The following FGD4 variants were observed in gnomAD, a reference collection of about 807,000 sequenced individuals.
FGD4 encodes the protein FYVE, RhoGEF and PH domain-containing protein 4.
Under a neutral mutation model 102.0 loss-of-function variants are expected in FGD4, and 42 were observed. The ratio of observed to expected loss-of-function variants is 0.41; its 90% confidence interval spans 0.32 to 0.53. The LOEUF (loss-of-function observed/expected upper bound fraction) is 0.53. Ranked by LOEUF, FGD4 falls within the 20% of genes least tolerant of loss-of-function variation. FGD4 has a pLI of 0.21. For synonymous variants in FGD4, 380 were observed against 375.7 expected, an observed-to-expected ratio of 1.01 and a Z score of -0.13; for missense variants, 902 against 1,078.2, an observed-to-expected ratio of 0.84 and a Z score of 2.29.
chr12:32,413,398 C>G (rs1180100931), intron 1 of FGD4, among the ~76,000 whole-genome samples: 1 of 152,132 alleles, frequency 6.6e-6, no homozygotes, highest in Non-Finnish European at 1.5e-5. Context: ...ATTATGCCGT[C>G]ATATTAATGT....
intron 1 of FGD4, among the ~76,000 whole-genome samples, chr12:32,440,282 C>T (rs1942387552): frequency 6.6e-6 from 1 of 152,170 alleles, no homozygotes; most frequent in South Asian, 2.1e-4. Context: ...TGTTTGTGCC[C>T]ATCCTTCTTG....
At chr12:32,547,484 A>G (rs1199719403) in intron 1 of FGD4, among the ~76,000 whole-genome samples, 4 of 152,170 alleles carry the variant, frequency 2.6e-5, no homozygotes, top group Non-Finnish European at 2.9e-5. Context: ...ACCACCTCTT[A>G]ATCATCTGTA....
chr12:32,581,668 C>T (rs1053948952), intron 3 of FGD4, among the ~76,000 whole-genome samples: 1 of 151,692 alleles, frequency 6.6e-6, no homozygotes, highest in Non-Finnish European at 1.5e-5. Flanking sequence ...AAAAGTTAAG[C>T]GTTGAAAAAT....
intron 1 of FGD4, among the ~76,000 whole-genome samples, chr12:32,539,005 G>C (rs1010128013): frequency 6.6e-6 from 1 of 152,130 alleles, no homozygotes; most frequent in Non-Finnish European, 1.5e-5. Context: ...AGTGAGCTGA[G>C]ATCGTGCTAT....
At position 32,586,208 on chromosome 12, in the gene FGD4, CTT is replaced by C. The variant is rs200097441; in HGVS notation, c.1011+3744_1011+3745del. 5.8e-4 allele frequency among the ~76,000 whole-genome samples: 89 copies of C among 152,160 alleles called. No individual in the cohort carries two copies. In the East Asian group the frequency reaches 0.016, roughly 27 times the overall value. ...ATTTTTTTCCTGAAAACATTAGAGA[CTT>C]TTAAAAGTTTGGAAGTTTAAAAAGT... is the stretch of plus-strand genomic sequence containing the variant. On this transcript the variant is annotated intron_variant, in intron 4 of 16. Coordinates refer to ENST00000534526, the MANE Select transcript of FGD4 (RefSeq NM_001370298.3).
chr12:32,460,470 A>G (rs1230040802), intron 1 of FGD4, among the ~76,000 whole-genome samples: 4 of 151,084 alleles, frequency 2.6e-5, no homozygotes, highest in Non-Finnish European at 4.4e-5. Context: ...GTACCACTGC[A>G]CTCCAGCCTG....
chr12:32,403,629 AC>A (rs1318599680), intron 1 of FGD4, among the ~76,000 whole-genome samples: 3 of 147,106 alleles, frequency 2.0e-5, no homozygotes, highest in African/African-American at 7.6e-5. Context: ...ACTGAGTCTT[AC>A]CCTGTCGCCA....
rs200144770 is a variant in FGD4, at chr12:32,640,446, T to C, written c.2625T>C (p.Ala875=). Residue 875 remains alanine (A), a synonymous_variant, in exon 17 of 17, where the codon GCT becomes GCC. Coordinates refer to ENST00000534526, the MANE Select transcript of FGD4 (RefSeq NM_001370298.3). Reference sequence around the variant, plus strand: ...AGTGGCTGAAAGTCATCCTTTTAGCTGTCACAGGTGAGACACCAGGTGGTC... The same window carrying C: ...AGTGGCTGAAAGTCATCCTTTTAGCCGTCACAGGTGAGACACCAGGTGGTC... The part of the protein sequence containing the change: ...KQKWLKVILL[A]VTGETPGGPN... 3.5e-5 allele frequency: 57 copies of C among 1,614,140 alleles called. No homozygotes were observed. The African/African-American group carries it at 7.2e-4, about 20-fold the overall frequency.
At chr12:32,572,105 T>TAC (rs796932276) in intron 2 of FGD4, among the ~76,000 whole-genome samples, 1 of 151,972 alleles carries the variant, frequency 6.6e-6, no homozygotes, top group African/African-American at 2.4e-5. Context: ...CACACATACA[T>TAC]ACACACACAC....
intron 1 of FGD4, among the ~76,000 whole-genome samples, chr12:32,435,347 G>A (rs1942193419): frequency 6.6e-6 from 1 of 152,046 alleles, no homozygotes; most frequent in Non-Finnish European, 1.5e-5. Context: ...CACAGATTTG[G>A]GTGAGTCAGT....
rs1484964809 is a variant in FGD4, at chr12:32,633,664, A to T, written c.2288A>T (p.Glu763Val). ...ATAAGTGGATTCACAGACAGTGAAG[A>T]AAAGAAAAGAAAAGGAATTTTAGAG... ...QIISGFTDSE[E>V]KKRKGILEIE... Residue 763 changes from glutamate to valine, a missense_variant, in exon 15 of 17, where the codon GAA (glutamate) becomes GTA (valine). Transcript: ENST00000534526. 2 of 1,595,416 alleles carry T rather than the reference A, an allele frequency of 1.3e-6. No individual in the cohort carries two copies. The highest frequency in any genetic ancestry group is 1.7e-6 in the Non-Finnish European group (2 of 1,164,244).
At chr12:32,499,346 G>A (rs1354641738) in intron 1 of FGD4, among the ~76,000 whole-genome samples, 2 of 152,106 alleles carry the variant, frequency 1.3e-5, no homozygotes, top group African/African-American at 4.8e-5. Flanking sequence ...TGGTTTGAGG[G>A]GATACTATAA....
chr12:32,419,306 C>T (rs907863694), intron 1 of FGD4, among the ~76,000 whole-genome samples: 1 of 152,212 alleles, frequency 6.6e-6, no homozygotes, highest in Admixed American at 6.5e-5. Context: ...TGGGTCACAC[C>T]TGAAGCCAGC....
At chr12:32,494,593 A>AT (rs1476270785) in intron 1 of FGD4, among the ~76,000 whole-genome samples, 1 of 152,228 alleles carries the variant, frequency 6.6e-6, no homozygotes, top group Non-Finnish European at 1.5e-5. Flanking sequence ...TTCAGTGAAC[A>AT]TTTATTGATC....
At chr12:32,541,886 C>T (rs1429821814) in intron 1 of FGD4, among the ~76,000 whole-genome samples, 1 of 152,106 alleles carries the variant, frequency 6.6e-6, no homozygotes, top group Non-Finnish European at 1.5e-5. Flanking sequence ...AACTTTCCCA[C>T]AGTCAAAATA....
At chr12:32,486,781 G>A (rs1943915916) in intron 1 of FGD4, among the ~76,000 whole-genome samples, 1 of 152,092 alleles carries the variant, frequency 6.6e-6, no homozygotes. Context: ...TGATCTTGTA[G>A]TCTTTTATAT....
intron 8 of FGD4, among the ~76,000 whole-genome samples, chr12:32,609,499 C>T (rs1764848556): frequency 1.3e-5 from 2 of 152,162 alleles, no homozygotes. Flanking sequence ...ATCAAGTGCA[C>T]AGCATCGCCC....
intron 1 of FGD4, among the ~76,000 whole-genome samples, chr12:32,539,891 G>T (rs1003655996): frequency 6.6e-6 from 1 of 152,036 alleles, no homozygotes; most frequent in Non-Finnish European, 1.5e-5. Context: ...AAATAATTTT[G>T]TTATTTTATA....
chr12:32,599,185 T>A (rs1719214156), intron 5 of FGD4, among the ~76,000 whole-genome samples: 1 of 152,150 alleles, frequency 6.6e-6, no homozygotes, highest in South Asian at 2.1e-4. Flanking sequence ...TTGGAAAGTC[T>A]AAGAACATAT....
Sources: allele counts gnomAD v4.1 joint callset (sites outside exome capture counted in the v4.1 genomes callset), GRCh38; gene constraint gnomAD v4.1.1; transcripts MANE v1.5; gene names NCBI Gene and HGNC (gene_info 2026-07-23, HGNC 2026-07-21).